KALRN: variants seen among roughly 807,000 people sequenced by gnomAD.
The protein encoded by KALRN is kalirin.
In KALRN, 70 loss-of-function variants were observed where a neutral mutation model predicts 353.7. That is an observed-to-expected ratio of 0.20 (90% CI 0.16 to 0.24). The LOEUF (loss-of-function observed/expected upper bound fraction) is 0.24, where lower values mean the gene tolerates loss of function less well. KALRN is among the 10% of genes least tolerant of loss of function. The pLI, the probability that KALRN is intolerant of heterozygous loss-of-function variation, is 1.00. For synonymous variants in KALRN, 1,391 were observed against 1,434.8 expected (o/e 0.97, Z 0.69); for missense variants, 2,791 against 3,756.7 (o/e 0.74, Z 6.72).
chr3:124,278,293 T>G (rs1049392798), intron 5 of KALRN, among the ~76,000 whole-genome samples: 3 of 152,008 alleles, frequency 2.0e-5, no homozygotes, highest in African/African-American at 7.3e-5. Flanking sequence ...CTCTGTTGCT[T>G]TCTGGGTGGG....
chr3:124,545,911 G>A (rs1278289684), intron 33 of KALRN, among the ~76,000 whole-genome samples: 2 of 152,144 alleles, frequency 1.3e-5, no homozygotes, highest in African/African-American at 2.4e-5. Flanking sequence ...CCACCCACAC[G>A]TGACTGAGAA....
At chr3:124,556,873 A>C (rs1286735673) in intron 33 of KALRN, among the ~76,000 whole-genome samples, 2 of 152,206 alleles carry the variant, frequency 1.3e-5, no homozygotes, top group African/African-American at 4.8e-5. Context: ...TTTCCTATGA[A>C]TAGGGTTGCT....
At chr3:124,275,205 C>T (rs1301529432) in intron 5 of KALRN, among the ~76,000 whole-genome samples, 1 of 152,138 alleles carries the variant, frequency 6.6e-6, no homozygotes, top group Non-Finnish European at 1.5e-5. Flanking sequence ...GTGGTGATGA[C>T]AGAGAATAAA....
chr3:124,484,371 C>G (rs770491802), intron 28 of KALRN, among the ~76,000 whole-genome samples: 3 of 152,154 alleles, frequency 2.0e-5, no homozygotes, highest in Non-Finnish European at 4.4e-5. Flanking sequence ...CAATTCTTCT[C>G]CTTCCTCATC....
At position 124,655,662 on chromosome 3, in the gene KALRN, G is replaced by C; in HGVS notation, c.5857G>C (p.Val1953Leu). The C allele has an allele frequency of 3.1e-6, 5 of 1,613,794 alleles. No homozygotes were observed. Among genetic ancestry groups the C allele is most frequent in the Non-Finnish European group, 4.2e-6 (5 of 1,179,654 alleles). The change falls in exon 39 of 60, where the codon GTG (valine) becomes CTG (leucine). Residue 1953 changes from valine (V) to leucine (L), a missense_variant. Coordinates refer to ENST00000682506, the MANE Select transcript of KALRN (RefSeq NM_001388419.1). ...KDYVKDLGIVVEGFMKRIEEK... is the reference protein window; with the variant it reads ...KDYVKDLGIVLEGFMKRIEEK... ...CTATGTCAAGGATCTGGGCATTGTG[G>C]TGGAGGTAAGTAGAGGGTTCCAGGT...
At chr3:124,175,848 A>C (rs1274465260) in intron 1 of KALRN, among the ~76,000 whole-genome samples, 4 of 152,168 alleles carry the variant, frequency 2.6e-5, no homozygotes, top group East Asian at 3.9e-4. Flanking sequence ...TTCAGCCTCT[A>C]TTCTCTAGCT....
chr3:124,150,840 A>C (rs1464982965), intron 1 of KALRN, among the ~76,000 whole-genome samples: 1 of 152,140 alleles, frequency 6.6e-6, no homozygotes, highest in African/African-American at 2.4e-5. Flanking sequence ...ACCCTAGAAC[A>C]TTAGCCCCTG....
At chr3:124,344,812 G>A (rs2082111007) in intron 9 of KALRN, among the ~76,000 whole-genome samples, 1 of 152,164 alleles carries the variant, frequency 6.6e-6, no homozygotes, top group African/African-American at 2.4e-5. Flanking sequence ...TTTAAGTGAT[G>A]AAGGCATAGC....
At chr3:124,382,344 G>C (rs1376344406) in intron 10 of KALRN, among the ~76,000 whole-genome samples, 1 of 152,064 alleles carries the variant, frequency 6.6e-6, no homozygotes, top group Non-Finnish European at 1.5e-5. Flanking sequence ...TTTGCTGCCT[G>C]CCCCATCTTA....
Position 124,632,541 on chromosome 3 carries a change from T to G in KALRN, c.5304T>G (p.Thr1768=), listed in dbSNP as rs1219367510. Residue 1768 remains threonine, a synonymous_variant, in exon 35 of 60, where the codon ACT becomes ACG. Coordinates refer to ENST00000682506, the MANE Select transcript of KALRN (RefSeq NM_001388419.1). ...CGGGTCCCAAGCGCTCCACCAACAC[T>G]CTTAAGAAGTGGCTGACGAGTCCTG... is the stretch of plus-strand genomic sequence containing the variant. ...SSPGPKRSTN[T]LKKWLTSPVR... 1.2e-6 allele frequency: 2 copies of G among 1,614,046 alleles called. No individual in the cohort carries two copies. The highest frequency in any genetic ancestry group is 1.7e-6 in the Non-Finnish European group (2 of 1,180,008).
At chr3:124,194,410 T>A (rs2075234415) in intron 1 of KALRN, among the ~76,000 whole-genome samples, 1 of 151,938 alleles carries the variant, frequency 6.6e-6, no homozygotes. Context: ...TCTTTACTAG[T>A]TCTGTGATGA....
intron 57 of KALRN, among the ~76,000 whole-genome samples, chr3:124,706,474 C>G (rs376575418): frequency 6.6e-6 from 1 of 152,206 alleles, no homozygotes; most frequent in African/African-American, 2.4e-5. Context: ...GATTGTGGAG[C>G]TTTCCCAACT....
At chr3:124,431,122 C>T (rs1159037539) in intron 16 of KALRN, among the ~76,000 whole-genome samples, 1 of 152,192 alleles carries the variant, frequency 6.6e-6, no homozygotes. Context: ...TTAGAAGTCA[C>T]TTCTGGTGCA....
At chr3:124,408,380 A>G (rs1290539686) in intron 13 of KALRN, among the ~76,000 whole-genome samples, 4 of 152,202 alleles carry the variant, frequency 2.6e-5, no homozygotes, top group South Asian at 2.1e-4. Context: ...GAGCAGCCCT[A>G]TTGTTGTAAC....
chr3:124,535,521 C>T lies in KALRN; in HGVS notation c.4936-27322C>T, dbSNP rs992430984. Among the ~76,000 whole-genome samples the T allele has an allele frequency of 1.8e-4, 28 of 152,174 alleles. 1 individual carries two copies. Among genetic ancestry groups the T allele is most frequent in the Admixed American group, 2.6e-4 (4 of 15,274 alleles). Reference sequence around the variant, plus strand: ...TCAGGAGTGTCACAGGCATTGCTGTCGGCTGAGCACTCATAATTAGCTCTC... The same window carrying T: ...TCAGGAGTGTCACAGGCATTGCTGTTGGCTGAGCACTCATAATTAGCTCTC... On this transcript the variant is annotated intron_variant, in intron 33 of 59. Transcript: ENST00000682506.
At chr3:124,277,134 A>G (rs1043150393) in intron 5 of KALRN, among the ~76,000 whole-genome samples, 11 of 152,184 alleles carry the variant, frequency 7.2e-5, no homozygotes, top group African/African-American at 2.4e-4. Context: ...GCTGTGGTGA[A>G]GGGACAAGCA....
chr3:124,246,600 C>T (rs1049659610), intron 3 of KALRN, among the ~76,000 whole-genome samples: 5 of 152,038 alleles, frequency 3.3e-5, no homozygotes, highest in Admixed American at 2.6e-4. Context: ...CCTTATCTGC[C>T]TTTTATGGAG....
intron 34 of KALRN, among the ~76,000 whole-genome samples, chr3:124,624,427 T>C (rs2079693880): frequency 6.6e-6 from 1 of 152,204 alleles, no homozygotes; most frequent in Admixed American, 6.5e-5. Context: ...AAAAAACATA[T>C]ATAGGGTTTG....
intron 1 of KALRN, among the ~76,000 whole-genome samples, chr3:124,074,099 T>G (rs1265261055): frequency 6.6e-6 from 1 of 151,896 alleles, no homozygotes; most frequent in Non-Finnish European, 1.5e-5. Context: ...TGGGATAGGT[T>G]ACAAGGGAAC....
Sources: allele counts gnomAD v4.1 joint callset (sites outside exome capture counted in the v4.1 genomes callset), GRCh38; gene constraint gnomAD v4.1.1; transcripts MANE v1.5; gene names NCBI Gene and HGNC (gene_info 2026-07-23, HGNC 2026-07-21).